The following RUNX1 variants were observed in gnomAD, a reference collection of about 807,000 sequenced individuals.
RUNX1 encodes the protein runt-related transcription factor 1.
Under a neutral mutation model 42.8 loss-of-function variants are expected in RUNX1, and 19 were observed. The observed-to-expected ratio is 0.44, with a 90% CI of 0.31 to 0.65. The LOEUF (loss-of-function observed/expected upper bound fraction) is 0.65. Among genes scored for constraint, RUNX1 ranks in the 30% least tolerant of loss-of-function variants. The pLI is 0.07. For synonymous variants in RUNX1, 271 were observed against 289.4 expected (o/e 0.94, Z 0.64); for missense variants, 528 against 672.0 (o/e 0.79, Z 2.37).
At chr21:34,939,744 A>C (rs777195656) in intron 2 of RUNX1, among the ~76,000 whole-genome samples, 1 of 152,202 alleles carries the variant, frequency 6.6e-6, no homozygotes, top group Non-Finnish European at 1.5e-5. Flanking sequence ...TGTTTTAGGG[A>C]AGATGTGTTA....
At chr21:34,876,913 G>A (rs371728042) in intron 5 of RUNX1, among the ~76,000 whole-genome samples, 1 of 152,088 alleles carries the variant, frequency 6.6e-6, no homozygotes, top group African/African-American at 2.4e-5. Context: ...CTGGAGTGCA[G>A]TGGCGCAACC....
At chr21:34,924,080 T>G (rs1439200036) in intron 2 of RUNX1, among the ~76,000 whole-genome samples, 2 of 75,114 alleles carry the variant, frequency 2.7e-5, no homozygotes, top group Non-Finnish European at 7.4e-5. Flanking sequence ...CTTTACTCAC[T>G]CAGTGACCCA....
Position 34,901,445 on chromosome 21 carries a change from G to A in RUNX1, c.59-8482C>T, listed in dbSNP as rs1446744915. On this transcript the variant is annotated intron_variant, in intron 2 of 8. Transcript: ENST00000675419. The surrounding 1 kb of genome is among the most constrained non-coding windows in gnomAD (Gnocchi z 4.3). ...GGAGAATCGCTTGAACTCGGAAGGC[G>A]GAGGTTGCAGTGAGCTGAGATGGCA... is the stretch of plus-strand genomic sequence containing the variant. Among the ~76,000 whole-genome samples, 2 of 152,064 alleles carry A rather than the reference G, an allele frequency of 1.3e-5. No homozygotes were observed. The highest frequency in any genetic ancestry group is 1.9e-4 in the East Asian group (1 of 5,192).
Position 34,894,348 on chromosome 21 carries a change from A to G in RUNX1, c.59-1385T>C, listed in dbSNP as rs1433928388. ...ACCTAATAGTTCAGCAATTCTGAGG[A>G]AAATGCCAGGATTTTTTAAACCCAA... is the stretch of plus-strand genomic sequence containing the variant. On this transcript the variant is annotated intron_variant, in intron 2 of 8. Transcript: ENST00000675419. Among the ~76,000 whole-genome samples the G allele has an allele frequency of 1.3e-5, 2 of 152,212 alleles. 1 individual carries two copies. The highest frequency in any genetic ancestry group is 4.8e-5 in the African/African-American group (2 of 41,450).
At chr21:35,000,224 TTTTC>T (rs1283437420) in intron 2 of RUNX1, among the ~76,000 whole-genome samples, 7 of 150,278 alleles carry the variant, frequency 4.7e-5, no homozygotes, top group Non-Finnish European at 7.4e-5. Context: ...GATCATATAA[TTTTC>T]TTTCTTTCTT....
chr21:35,005,308 A>G (rs926622312), intron 2 of RUNX1, among the ~76,000 whole-genome samples: 12 of 152,094 alleles, frequency 7.9e-5, no homozygotes, highest in Admixed American at 7.9e-4. Flanking sequence ...TATAAACACC[A>G]TTAGGATTCT....
chr21:35,044,655 C>T (rs188840372), intron 2 of RUNX1, among the ~76,000 whole-genome samples: 8 of 152,326 alleles, frequency 5.3e-5, no homozygotes, highest in African/African-American at 1.7e-4. Flanking sequence ...TCTCTAATAG[C>T]AGGTGCTCTT....
chr21:34,972,679 C>T (rs1038244387), intron 2 of RUNX1, among the ~76,000 whole-genome samples: 1 of 152,180 alleles, frequency 6.6e-6, no homozygotes, highest in Admixed American at 6.5e-5. Context: ...TTTAGAGAGA[C>T]AAGACTTTCT....
intron 3 of RUNX1, among the ~76,000 whole-genome samples, chr21:34,891,484 G>T (rs894826810): frequency 6.6e-6 from 1 of 152,094 alleles, no homozygotes; most frequent in Non-Finnish European, 1.5e-5. Context: ...CGGGGAAAGG[G>T]AACCCCTTAG....
At chr21:34,898,815 A>C (rs545994927) in intron 2 of RUNX1, among the ~76,000 whole-genome samples, 1 of 152,354 alleles carries the variant, frequency 6.6e-6, no homozygotes, top group African/African-American at 2.4e-5. Flanking sequence ...TCTCGGAAGA[A>C]GCCTGAGATT....
intron 2 of RUNX1, among the ~76,000 whole-genome samples, chr21:35,010,274 CAT>C (rs997930757): frequency 1.3e-5 from 2 of 151,958 alleles, no homozygotes; most frequent in African/African-American, 4.8e-5. Flanking sequence ...TTTTTAAAAA[CAT>C]ATCCAATATA....
intron 5 of RUNX1, among the ~76,000 whole-genome samples, chr21:34,866,177 G>C (rs1396540839): frequency 6.6e-6 from 1 of 152,196 alleles, no homozygotes; most frequent in South Asian, 2.1e-4. Flanking sequence ...AGACACAAAG[G>C]AGCCGTCTGC....
intron 2 of RUNX1, among the ~76,000 whole-genome samples, chr21:34,927,493 G>A (rs1244252201): frequency 2.0e-5 from 3 of 152,144 alleles, no homozygotes; most frequent in Non-Finnish European, 2.9e-5. Context: ...GGTCAAAAAC[G>A]GTTTCTCTTC....
intron 2 of RUNX1, among the ~76,000 whole-genome samples, chr21:34,909,666 G>T (rs1187653528): frequency 0.14 from 11 of 76 alleles, no homozygotes; most frequent in African/African-American, 0.32. Flanking sequence ...AGCTGAGTCT[G>T]GAAGACTGCC....
intron 2 of RUNX1, among the ~76,000 whole-genome samples, chr21:34,905,254 A>G (rs2058209404): frequency 6.6e-6 from 1 of 152,170 alleles, no homozygotes; most frequent in Admixed American, 6.5e-5. Context: ...CTTCCCCCTC[A>G]CTAATCTCGC....
intron 7 of RUNX1, among the ~76,000 whole-genome samples, chr21:34,806,161 T>C (rs1443193381): frequency 6.6e-6 from 1 of 152,164 alleles, no homozygotes; most frequent in Non-Finnish European, 1.5e-5. Flanking sequence ...ATATGAATAC[T>C]CTAAATGCAC....
chr21:35,017,599 C>T (rs554498150), intron 2 of RUNX1, among the ~76,000 whole-genome samples: 37 of 152,270 alleles, frequency 2.4e-4, no homozygotes, highest in Middle Eastern at 6.8e-3. Flanking sequence ...ATTTCACCTC[C>T]GTGGGCCAGA....
At chr21:34,799,501 G>A (rs781369637) in intron 7 of RUNX1, 39 bp from the exon 8 acceptor site, 5 of 1,587,074 alleles carry the variant, frequency 3.2e-6, no homozygotes, top group East Asian at 2.2e-5. Flanking sequence ...TGTAAAGTGG[G>A]GTGGGATTTA....
chr21:34,888,514 A>C, intron 3 of RUNX1: 1 of 1,065,946 alleles, frequency 9.4e-7, no homozygotes, highest in Non-Finnish European at 1.1e-6. Context: ...ACAAAAAAAA[A>C]CAACAAAAAA....
Sources: allele counts gnomAD v4.1 joint callset (sites outside exome capture counted in the v4.1 genomes callset), GRCh38; gene constraint gnomAD v4.1.1; non-coding constraint Gnocchi (gnomAD v3.1); transcripts MANE v1.5; gene names NCBI Gene and HGNC (gene_info 2026-07-23, HGNC 2026-07-21).